HTT: variants seen among roughly 807,000 people sequenced by gnomAD.
The protein encoded by HTT is huntingtin.
In HTT, 104 loss-of-function variants were observed where a neutral mutation model predicts 362.3. That is an observed-to-expected ratio of 0.29 (90% CI 0.24 to 0.34). The LOEUF (loss-of-function observed/expected upper bound fraction) is 0.34. HTT is among the 10% of genes least tolerant of loss of function. HTT has a pLI of 1.00. For missense variants in HTT, 3,301 were observed against 3,928.6 expected (o/e 0.84, Z 4.27); for synonymous variants, 1,577 against 1,548.7 (o/e 1.02, Z -0.43).
chr4:3,161,118 G>A (rs1717419031), intron 29 of HTT, among the ~76,000 whole-genome samples: 1 of 152,058 alleles, frequency 6.6e-6, no homozygotes, highest in Non-Finnish European at 1.5e-5. Context: ...TCTCCTCCCT[G>A]TGCCCATGTG....
chr4:3,235,228 G>T, intron 61 of HTT, 56 bp from the exon 62 acceptor site: 1 of 1,215,034 alleles, frequency 8.2e-7, no homozygotes, highest in Non-Finnish European at 1.2e-6. Context: ...ATGCTGTGAA[G>T]CCCTCTCCAC....
intron 40 of HTT, among the ~76,000 whole-genome samples, chr4:3,192,489 G>A (rs1719056926): frequency 6.6e-6 from 1 of 152,140 alleles, no homozygotes; most frequent in Admixed American, 6.5e-5. Flanking sequence ...TATGTGATTG[G>A]CCTTGCATGA....
At chr4:3,113,022 G>A (rs1714841480) in intron 6 of HTT, 3 of 978,384 alleles carry the variant, frequency 3.1e-6, no homozygotes, top group Admixed American at 6.2e-5. Context: ...AATGATTCAT[G>A]CATCTCTTCC....
At chr4:3,109,239 TC>T (rs1365550576) in intron 6 of HTT, among the ~76,000 whole-genome samples, 1 of 152,110 alleles carries the variant, frequency 6.6e-6, no homozygotes, top group African/African-American at 2.4e-5. Flanking sequence ...TCTTTTTTTT[TC>T]TTTGAGATGG....
Position 3,190,502 on chromosome 4 carries a change from T to C in HTT, c.5368+1409T>C, listed in dbSNP as rs1044472870. The stretch of plus-strand genomic sequence containing the variant: ...CTGAAATCCCAGCACTTTGGGAGGC[T>C]GAGGCGGGGTGATCGCTTGAGCTTG... On this transcript the variant is annotated intron_variant, in intron 40 of 66. Transcript: ENST00000355072. Among the ~76,000 whole-genome samples, 4 of 152,040 alleles carry C rather than the reference T, an allele frequency of 2.6e-5. No individual in the cohort carries two copies. In the South Asian group the frequency reaches 6.2e-4, roughly 24 times the overall value.
At chr4:3,117,344 GT>G (rs943234729) in intron 8 of HTT, among the ~76,000 whole-genome samples, 54 of 147,272 alleles carry the variant, frequency 3.7e-4, no homozygotes, top group African/African-American at 9.7e-4. Flanking sequence ...ACCTTGCCTT[GT>G]TTTTTTTTTA....
chr4:3,140,579 T>C lies in HTT; in HGVS notation c.2868T>C (p.Asp956=). Residue 956 remains aspartate (D), a synonymous_variant, in exon 22 of 67, where the codon GAT becomes GAC. Transcript: ENST00000355072. ...ATCCAGTAGTGGCCGTGGCAAGAGA[T>C]CAAAGCAGTGTTTACCTGAAACTTC... ...QADPVVAVAR[D]QSSVYLKLLM... is the part of the protein sequence containing the mutation. 1 of 1,614,048 alleles carries C rather than the reference T, an allele frequency of 6.2e-7. No homozygotes were observed. The highest frequency in any genetic ancestry group is 1.1e-5 in the South Asian group (1 of 91,084).
In HTT at chr4:3,161,197, T is replaced by C. The variant is rs879320913; in HGVS notation, c.3864+805T>C. The stretch of plus-strand genomic sequence containing the variant: ...TTTGGTTTTCTGATCTTGTGATAGT[T>C]TGCTGAGAATGATGGTTTCCAGCAT... On this transcript the variant is annotated intron_variant, in intron 29 of 66. Transcript: ENST00000355072. Among the ~76,000 whole-genome samples, 10 of 152,186 alleles carry C rather than the reference T, an allele frequency of 6.6e-5. 1 individual carries two copies. Among genetic ancestry groups the C allele is most frequent in the Non-Finnish European group, 1.2e-4 (8 of 68,038 alleles).
At chr4:3,116,332 G>A (rs535494519) in intron 8 of HTT, 69 bp downstream of exon 8, 2 of 1,368,136 alleles carry the variant, frequency 1.5e-6, no homozygotes, top group African/African-American at 2.9e-5. Flanking sequence ...GATTAATTTG[G>A]AAGAGAAGCG....
intron 45 of HTT, among the ~76,000 whole-genome samples, chr4:3,208,561 G>A (rs1719979481): frequency 1.3e-5 from 2 of 152,076 alleles, no homozygotes; most frequent in African/African-American, 4.8e-5. Flanking sequence ...GTAAACTAGG[G>A]CCTGCATTTG....
chr4:3,144,662 A>G lies in HTT; in HGVS notation c.3067-490A>G, dbSNP rs1716514752. 2.0e-5 allele frequency among the ~76,000 whole-genome samples: 3 copies of G among 152,210 alleles called. No individual in the cohort carries two copies. In the South Asian group the frequency reaches 6.2e-4, roughly 31 times the overall value. On this transcript the variant is annotated intron_variant, in intron 23 of 66. Transcript: ENST00000355072. ...CAAAAGAAATACTTCCATGTTATAG[A>G]AGACTAAATATTGTTTGGGCTGTCT...
Position 3,142,890 on chromosome 4 carries a change from A to G in HTT, c.3066+4A>G, listed in dbSNP as rs1262189498. 1.9e-6 allele frequency: 3 copies of G among 1,612,070 alleles called. No homozygotes were observed. The highest frequency in any genetic ancestry group is 2.7e-5 in the African/African-American group (2 of 74,818). ...ATCAACCACCAGAGCACTCACAGTA[A>G]GTCTCTTTCTTGATCGGTCTTACTG... On this transcript the variant is annotated splice_donor_region_variant and intron_variant, in intron 23 of 66. Transcript: ENST00000355072.
chr4:3,148,568 T>C (rs113304256), intron 26 of HTT, among the ~76,000 whole-genome samples: 11,175 of 151,664 alleles, frequency 0.074, 564 homozygotes, highest in African/African-American at 0.15. Flanking sequence ...GAGGCCGAGG[T>C]GGGCGGATCA....
In HTT at chr4:3,127,490, C is replaced by A. The variant is rs1214138591; in HGVS notation, c.1629C>A (p.Asp543Glu). 1 of 1,614,090 alleles carries A rather than the reference C, an allele frequency of 6.2e-7. No individual in the cohort carries two copies. The highest frequency in any genetic ancestry group is 1.3e-5 in the African/African-American group (1 of 74,932). ...GCCAGGTCAGCGCCGTCCCATCTGA[C>A]CCTGCCATGGACCTGAATGATGGGA... ...SSSQVSAVPS[D>E]PAMDLNDGTQ... The change falls in exon 12 of 67, where the codon GAC becomes GAA. Residue 543 changes from aspartate (D) to glutamate (E), a missense_variant. By Grantham distance (45) the Asp-to-Glu change is conservative. Transcript: ENST00000355072.
chr4:3,199,779 G>A lies in HTT; in HGVS notation c.5416G>A (p.Asp1806Asn). 2 of 1,614,196 alleles carry A rather than the reference G, an allele frequency of 1.2e-6. No homozygotes were observed. The highest frequency in any genetic ancestry group is 1.7e-6 in the Non-Finnish European group (2 of 1,180,040). Residue 1806 changes from aspartate to asparagine, a missense_variant, in exon 41 of 67, where the codon GAT (aspartate) becomes AAT (asparagine). By Grantham distance (23) the Asp-to-Asn change is conservative. Around this residue, in one of 4 missense-constraint regions of HTT, gnomAD observed 2,316 missense variants for 2,658.5 expected, o/e 0.87. Transcript: ENST00000355072. Reference sequence around the variant, plus strand: ...AGCTGCCACTAGGCTGTTCCGCAGTGATGGCTGTGGCGGCAGTTTCTACAC... The same window carrying A: ...AGCTGCCACTAGGCTGTTCCGCAGTAATGGCTGTGGCGGCAGTTTCTACAC... ...TAAATRLFRSDGCGGSFYTLD... is the reference protein window; with the variant it reads ...TAAATRLFRSNGCGGSFYTLD...
chr4:3,204,524 T>C (rs776402126), intron 42 of HTT, among the ~76,000 whole-genome samples: 3 of 152,222 alleles, frequency 2.0e-5, no homozygotes, highest in Non-Finnish European at 4.4e-5. Context: ...GGGTTCTGAT[T>C]TTAAATTTTT....
In HTT at chr4:3,224,076, C is replaced by T. The variant is rs1195142234; in HGVS notation, c.7710C>T (p.Thr2570=). 1.2e-6 allele frequency: 2 copies of T among 1,613,796 alleles called. No individual in the cohort carries two copies. The highest frequency in any genetic ancestry group is 1.7e-5 in the Admixed American group (1 of 60,022). ...TTTCAAAGAGAGAGAATATTGCCACCCATCATTTATATCAGGCATGGGATC... is the reference window on the plus strand; with the variant it reads ...TTTCAAAGAGAGAGAATATTGCCACTCATCATTTATATCAGGCATGGGATC... The part of the protein sequence containing the change: ...AMVSKRENIA[T]HHLYQAWDPV... Residue 2570 remains threonine (T), a synonymous_variant, in exon 56 of 67, where the codon ACC becomes ACT. Transcript: ENST00000355072.
At chr4:3,234,851 T>C (rs1721444468) in intron 61 of HTT, among the ~76,000 whole-genome samples, 1 of 152,052 alleles carries the variant, frequency 6.6e-6, no homozygotes, top group African/African-American at 2.4e-5. Flanking sequence ...CACTGTGCCA[T>C]GGGGAAGGCC....
chr4:3,136,038 T>A (rs1412673666), intron 20 of HTT, 71 bp downstream of exon 20: 2 of 1,122,024 alleles, frequency 1.8e-6, no homozygotes, highest in Non-Finnish European at 2.6e-6. Flanking sequence ...CCTTGTGGAA[T>A]TTCTCTAAAT....
Sources: gnomAD v4.1 joint callset for allele counts (sites outside exome capture counted in the v4.1 genomes callset) on GRCh38, gnomAD v4.1.1 for gene constraint, gnomAD v4.1.1 regional missense constraint, MANE v1.5 for transcripts, NCBI Gene and HGNC (gene_info 2026-07-23, HGNC 2026-07-21) for gene names.